The following CNTLN variants were observed in gnomAD, a reference collection of about 807,000 sequenced individuals.
CNTLN encodes the protein centlein, centrosomal protein.
Under a neutral mutation model 180.0 loss-of-function variants are expected in CNTLN, and 212 were observed. That is an observed-to-expected ratio of 1.18 (90% confidence interval 1.05 to 1.32). CNTLN has a LOEUF of 1.32. Among genes scored for constraint, CNTLN ranks in the 40% most tolerant of loss-of-function variants. The probability of loss-of-function intolerance (pLI) is 0.00; values close to 1 mark genes in which losing one functional copy is unlikely to be tolerated. For synonymous variants in CNTLN, 722 were observed against 563.1 expected (o/e 1.28, Z -3.99); for missense variants, 2,095 against 1,610.9 (o/e 1.30, Z -5.14).
chr9:17,400,100 A>T (rs1826853033), intron 15 of CNTLN, among the ~76,000 whole-genome samples: 1 of 152,124 alleles, frequency 6.6e-6, no homozygotes, highest in Non-Finnish European at 1.5e-5. Flanking sequence ...TGGATAAAAG[A>T]AACATATTTT....
intron 5 of CNTLN, among the ~76,000 whole-genome samples, chr9:17,269,361 G>A (rs1189644990): frequency 6.6e-6 from 1 of 151,910 alleles, no homozygotes; most frequent in Non-Finnish European, 1.5e-5. Context: ...AGGTTGTTGA[G>A]ATTTTTCTTC....
At chr9:17,137,139 A>G (rs1379410906) in intron 1 of CNTLN, among the ~76,000 whole-genome samples, 1 of 152,230 alleles carries the variant, frequency 6.6e-6, no homozygotes, top group Non-Finnish European at 1.5e-5. Context: ...GACCTCGGAC[A>G]TATATAGACT....
intron 18 of CNTLN, chr9:17,448,403 A>G (rs1830577201): frequency 6.6e-6 from 1 of 152,194 alleles, no homozygotes; most frequent in Non-Finnish European, 1.5e-5. Flanking sequence ...GGGCATGTTG[A>G]ACAGCCAGAT....
intron 5 of CNTLN, among the ~76,000 whole-genome samples, chr9:17,256,699 G>C (rs1434393389): frequency 6.6e-6 from 1 of 151,906 alleles, no homozygotes; most frequent in Non-Finnish European, 1.5e-5. Flanking sequence ...GAAAAGGGCA[G>C]AGAAAAGCAG....
intron 2 of CNTLN, among the ~76,000 whole-genome samples, chr9:17,155,767 G>T (rs1819236272): frequency 1.3e-5 from 2 of 152,016 alleles, no homozygotes; most frequent in South Asian, 4.2e-4. Context: ...TTGTGTTCTG[G>T]GCGCCAGTAG....
At chr9:17,143,430 CTTCA>C (rs1258835521) in intron 2 of CNTLN, 54 bp downstream of exon 2, 1 of 1,287,002 alleles carries the variant, frequency 7.8e-7, no homozygotes, top group East Asian at 2.3e-5. Context: ...GTTTGTTTCT[CTTCA>C]TTATTAAAGT....
At chr9:17,442,311 A>G (rs1830158543) in intron 18 of CNTLN, among the ~76,000 whole-genome samples, 1 of 152,208 alleles carries the variant, frequency 6.6e-6, no homozygotes, top group Non-Finnish European at 1.5e-5. Flanking sequence ...AAATAATACA[A>G]GGTATCTTTT....
At chr9:17,335,245 G>A (rs199789512) in intron 10 of CNTLN, among the ~76,000 whole-genome samples, 2 of 152,172 alleles carry the variant, frequency 1.3e-5, no homozygotes, top group African/African-American at 4.8e-5. Flanking sequence ...TTGGCTGGGC[G>A]CGGTGGCTCA....
intron 18 of CNTLN, among the ~76,000 whole-genome samples, chr9:17,445,532 CAG>C (rs1471184850): frequency 6.6e-6 from 1 of 152,166 alleles, no homozygotes; most frequent in Non-Finnish European, 1.5e-5. Flanking sequence ...TGTGTCAACT[CAG>C]AGTTAAATGG....
At chr9:17,389,568 A>G (rs1012720868) in intron 14 of CNTLN, among the ~76,000 whole-genome samples, 4 of 87,336 alleles carry the variant, frequency 4.6e-5, no homozygotes, top group African/African-American at 1.4e-4. Context: ...CTGTATGTCA[A>G]GTTGGTATAC....
intron 18 of CNTLN, among the ~76,000 whole-genome samples, chr9:17,428,187 G>C (rs1383905590): frequency 2.0e-5 from 3 of 152,062 alleles, no homozygotes; most frequent in Non-Finnish European, 1.5e-5. Context: ...GTCACTTTCA[G>C]GTTTATTAGG....
intron 2 of CNTLN, among the ~76,000 whole-genome samples, chr9:17,169,505 A>G (rs1384597130): frequency 1.3e-5 from 2 of 152,012 alleles, no homozygotes; most frequent in Non-Finnish European, 2.9e-5. Context: ...GCTTTTCCCT[A>G]TTGTTTTTTC....
intron 12 of CNTLN, among the ~76,000 whole-genome samples, chr9:17,363,620 A>T (rs1408018556): frequency 6.6e-6 from 1 of 151,986 alleles, no homozygotes; most frequent in Non-Finnish European, 1.5e-5. Context: ...TCTAAAGTTC[A>T]TCACTAGCTG....
chr9:17,314,027 C>T (rs1371405182), intron 8 of CNTLN, among the ~76,000 whole-genome samples: 1 of 152,128 alleles, frequency 6.6e-6, no homozygotes, highest in Non-Finnish European at 1.5e-5. Flanking sequence ...AGCCACTGTG[C>T]CCGGCCAGCT....
intron 2 of CNTLN, among the ~76,000 whole-genome samples, chr9:17,205,235 A>G (rs1327837714): frequency 6.6e-6 from 1 of 152,230 alleles, no homozygotes; most frequent in East Asian, 1.9e-4. Context: ...TAAAGAGCAC[A>G]CACACTTGTT....
At chr9:17,366,553 A>G (rs1291239264) in intron 12 of CNTLN, 64 bp from the exon 13 acceptor site, 3 of 722,396 alleles carry the variant, frequency 4.2e-6, no homozygotes, top group African/African-American at 3.7e-5. Flanking sequence ...ATTTAAATGT[A>G]TATGTTTGAT....
Position 17,363,693 on chromosome 9 carries a change from C to T in CNTLN, c.1887-2924C>T, listed in dbSNP as rs142102815. 2.0e-5 allele frequency among the ~76,000 whole-genome samples: 3 copies of T among 152,024 alleles called. No homozygotes were observed. The East Asian group carries it at 5.8e-4, about 29-fold the overall frequency. ...TATGGTATCTTTGATGATCCAATAT[C>T]GTTTTGTTGTTGAGAATGTTAGTTC... On this transcript the variant is annotated intron_variant, in intron 12 of 25. Transcript: ENST00000380647.
chr9:17,386,658 A>C (rs1825709217), intron 13 of CNTLN, among the ~76,000 whole-genome samples: 1 of 152,232 alleles, frequency 6.6e-6, no homozygotes, highest in Admixed American at 6.5e-5. Flanking sequence ...AGATAAGTAC[A>C]GGTGAACATG....
At chr9:17,295,373 C>A (rs1212751142) in intron 6 of CNTLN, among the ~76,000 whole-genome samples, 3 of 152,202 alleles carry the variant, frequency 2.0e-5, no homozygotes, top group African/African-American at 7.2e-5. Context: ...GCGAGGGCTG[C>A]CAGCACACTG....
Sources: gnomAD v4.1 joint callset for allele counts (sites outside exome capture counted in the v4.1 genomes callset) on GRCh38, gnomAD v4.1.1 for gene constraint, MANE v1.5 for transcripts, NCBI Gene and HGNC (gene_info 2026-07-23, HGNC 2026-07-21) for gene names.